EHD1: variants seen among roughly 807,000 people sequenced by gnomAD.
EHD1 encodes the protein EH domain-containing protein 1.
EHD1 carries 19 observed loss-of-function variants against 39.0 expected under a neutral mutation model. The observed-to-expected ratio is 0.49, with a 90% CI of 0.34 to 0.72. EHD1 has a LOEUF of 0.72. EHD1 is among the 30% of genes least tolerant of loss of function. EHD1 has a pLI of 0.01. For synonymous variants in EHD1, 323 were observed against 331.2 expected (o/e 0.98, Z 0.27); for missense variants, 542 against 751.5 (o/e 0.72, Z 3.26).
chr11:64,864,234 G>T (rs539445634), intron 2 of EHD1, among the ~76,000 whole-genome samples: 1 of 152,378 alleles, frequency 6.6e-6, no homozygotes, highest in African/African-American at 2.4e-5. Flanking sequence ...CCTGGACGGG[G>T]AGGCCCGATC....
chr11:64,860,210 T>C lies in EHD1; in HGVS notation c.629A>G (p.His210Arg). 3 of 1,614,182 alleles carry C rather than the reference T, an allele frequency of 1.9e-6. No individual in the cohort carries two copies. The highest frequency in any genetic ancestry group is 2.5e-6 in the Non-Finnish European group (3 of 1,180,036). The change falls in exon 3 of 5, where the codon CAT (histidine) becomes CGT (arginine). Residue 210 changes from histidine to arginine, a missense_variant. Coordinates refer to ENST00000320631, the MANE Select transcript of EHD1 (RefSeq NM_006795.4). ...FSEVIKALKN[H>R]EDKIRVVLNK... ...CAGCACCACGCGGATCTTGTCCTCA[T>C]GGTTCTTCAGAGCCTTGATCACTTC...
At chr11:64,866,983 AAG>A (rs1943774398) in intron 2 of EHD1, among the ~76,000 whole-genome samples, 1 of 152,104 alleles carries the variant, frequency 6.6e-6, no homozygotes, top group African/African-American at 2.4e-5. Flanking sequence ...GTTGAACAGG[AAG>A]AGTGTCCATT....
At position 64,867,494 on chromosome 11, in the gene EHD1, G is replaced by A. The variant is rs552129546; in HGVS notation, c.502+6927C>T. On this transcript the variant is annotated intron_variant, in intron 2 of 4. Coordinates refer to ENST00000320631, the MANE Select transcript of EHD1 (RefSeq NM_006795.4). ...AGCACTTTGGGAGGCCGAGGTGGGC[G>A]AATCACCTGAGGTCAAGAGTTCGAG... Among the ~76,000 whole-genome samples the A allele has an allele frequency of 6.7e-5, 10 of 150,300 alleles. No homozygotes were observed. In the South Asian group the frequency reaches 1.1e-3, roughly 16 times the overall value.
In EHD1 at chr11:64,855,021, C is replaced by T. The variant is rs913792882; in HGVS notation, c.1081-164G>A. ...GGCCCTTGGCTCTCTAACCTGTACA[C>T]AGGAGGCACCTCCAGCTCTTTCCTT... On this transcript the variant is annotated intron_variant, in intron 4 of 4. Coordinates refer to ENST00000320631, the MANE Select transcript of EHD1 (RefSeq NM_006795.4). The T allele has an allele frequency of 6.3e-5, 60 of 947,056 alleles. No individual in the cohort carries two copies. In the South Asian group the frequency reaches 8.3e-4, roughly 13 times the overall value. The allele number at this position is 947,056 out of a possible 1,614,324, so 58.7% of individuals were successfully genotyped here.
At chr11:64,858,984 G>A (rs936078705) in intron 3 of EHD1, among the ~76,000 whole-genome samples, 1 of 152,206 alleles carries the variant, frequency 6.6e-6, no homozygotes, top group Non-Finnish European at 1.5e-5. Flanking sequence ...CTGGCACCCT[G>A]TCTCCTCACG....
At chr11:64,878,766 C>A (rs1200255664), upstream of EHD1, 6 of 1,277,876 alleles carry the variant, frequency 4.7e-6, no homozygotes, top group African/African-American at 7.8e-5. Flanking sequence ...CACGTCTTCC[C>A]CTACCCCGCC....
intron 2 of EHD1, 112 bp downstream of exon 2, chr11:64,874,301 CAAAAAAAA>C: frequency 1.7e-5 from 8 of 476,906 alleles, no homozygotes; most frequent in East Asian, 4.9e-5. Flanking sequence ...AAGACTCCGT[CAAAAAAAA>C]AAAAAAAAAA....
chr11:64,878,822 G>A (rs369133976), upstream of EHD1: 15 of 1,159,186 alleles, frequency 1.3e-5, no homozygotes, highest in East Asian at 5.1e-4. Flanking sequence ...TCCGGGTGCC[G>A]TGGCAACCGC....
chr11:64,858,254 T>C (rs1378823630), intron 3 of EHD1, among the ~76,000 whole-genome samples: 1 of 151,376 alleles, frequency 6.6e-6, no homozygotes, highest in Non-Finnish European at 1.5e-5. Context: ...TGATCTCAGC[T>C]CACTGCAACC....
intron 3 of EHD1, among the ~76,000 whole-genome samples, chr11:64,858,544 G>A (rs1042841324): frequency 6.6e-6 from 1 of 152,186 alleles, no homozygotes; most frequent in African/African-American, 2.4e-5. Context: ...GAATAGCTAG[G>A]TGCCCTGCTG....
intron 2 of EHD1, among the ~76,000 whole-genome samples, chr11:64,867,671 T>C (rs556425702): frequency 6.6e-6 from 1 of 152,258 alleles, no homozygotes; most frequent in African/African-American, 2.4e-5. Context: ...TGGGCCGAGA[T>C]TGATCGTGCC....
chr11:64,861,559 TC>T (rs1445049793), intron 2 of EHD1, among the ~76,000 whole-genome samples: 1 of 152,224 alleles, frequency 6.6e-6, no homozygotes, highest in Non-Finnish European at 1.5e-5. Context: ...TCACTTATTT[TC>T]TGCAACAAGG....
chr11:64,876,884 G>A (rs1221441300), intron 1 of EHD1, among the ~76,000 whole-genome samples: 5 of 152,236 alleles, frequency 3.3e-5, no homozygotes, highest in East Asian at 1.9e-4. Flanking sequence ...ACAGGAGGGC[G>A]GGCTGAAATG....
At position 64,868,610 on chromosome 11, in the gene EHD1, C is replaced by T. The variant is rs1209181374; in HGVS notation, c.502+5811G>A. 7.9e-5 allele frequency among the ~76,000 whole-genome samples: 12 copies of T among 152,168 alleles called. No homozygotes were observed. The highest frequency in any genetic ancestry group is 2.1e-4 in the South Asian group (1 of 4,828). ...GTATGATTCCATTTAGGTGACATTC[C>T]GGAAAAGGCAAAAGTTAGAGACAAA... is the stretch of plus-strand genomic sequence containing the variant. On this transcript the variant is annotated intron_variant, in intron 2 of 4. Transcript: ENST00000320631. The surrounding 1 kb of genome is among the most constrained non-coding windows in gnomAD (Gnocchi z 4.2).
At chr11:64,864,911 G>T (rs1029854227) in intron 2 of EHD1, among the ~76,000 whole-genome samples, 1 of 152,134 alleles carries the variant, frequency 6.6e-6, no homozygotes, top group Non-Finnish European at 1.5e-5. Context: ...TGGCTGGGGG[G>T]CCCTGGGGAA....
intron 3 of EHD1, among the ~76,000 whole-genome samples, chr11:64,858,388 T>C (rs1424289376): frequency 4.6e-5 from 7 of 152,026 alleles, no homozygotes; most frequent in Non-Finnish European, 1.0e-4. Flanking sequence ...TTTTGCCATG[T>C]TGGCCAGGCT....
At chr11:64,869,419 C>T (rs1943804187) in intron 2 of EHD1, among the ~76,000 whole-genome samples, 2 of 152,238 alleles carry the variant, frequency 1.3e-5, no homozygotes, top group Non-Finnish European at 2.9e-5. Flanking sequence ...GAAACCCCGG[C>T]TGAGTCAGCA....
In EHD1 at chr11:64,855,547, CCTCCAAGGACA is replaced by C. The variant is rs1943642132; in HGVS notation, c.916-72_916-62del. 42 of 1,601,766 alleles carry C rather than the reference CCTCCAAGGACA, an allele frequency of 2.6e-5. 2 individuals are homozygous for C. In the South Asian group the frequency reaches 3.2e-4, roughly 12 times the overall value. ...GCCCAGGCTGCCCCCGAGAGCAGAGCCTCCAAGGACACTCCAAGGATACTCCAAGGTGCTCG... is the reference window on the plus strand; with the variant it reads ...GCCCAGGCTGCCCCCGAGAGCAGAGCCTCCAAGGATACTCCAAGGTGCTCG... On this transcript the variant is annotated intron_variant, in intron 3 of 4. Transcript: ENST00000320631.
chr11:64,875,887 G>T (rs998693145), intron 1 of EHD1, among the ~76,000 whole-genome samples: 3 of 152,340 alleles, frequency 2.0e-5, no homozygotes, highest in Middle Eastern at 3.4e-3. Flanking sequence ...CTGGAGAGAT[G>T]ATTACAGAAT....
Sources: allele counts gnomAD v4.1 joint callset (sites outside exome capture counted in the v4.1 genomes callset), GRCh38; gene constraint gnomAD v4.1.1; non-coding constraint Gnocchi (gnomAD v3.1); transcripts MANE v1.5; gene names NCBI Gene and HGNC (gene_info 2026-07-23, HGNC 2026-07-21).